Variants in PEX1 observed in about 807,000 individuals in gnomAD.
The protein encoded by PEX1 is peroxisomal biogenesis factor 1, also known as peroxisomal ATPase PEX1.
A neutral mutation model predicts 152.5 loss-of-function variants in PEX1; 97 were observed. That is an observed-to-expected ratio of 0.64 (90% CI 0.54 to 0.75). The LOEUF (loss-of-function observed/expected upper bound fraction) is 0.75, where lower values mean the gene tolerates loss of function less well. Ranked by LOEUF, PEX1 falls within the 30% of genes least tolerant of loss-of-function variation. The probability of loss-of-function intolerance (pLI) is 0.00; values close to 1 mark genes in which losing one functional copy is unlikely to be tolerated. For synonymous variants in PEX1, 485 were observed against 531.6 expected, an observed-to-expected ratio of 0.91 and a Z score of 1.21; for missense variants, 1,357 against 1,516.3, an observed-to-expected ratio of 0.89 and a Z score of 1.74.
At position 92,489,814 on chromosome 7, in the gene PEX1, G is replaced by A. The variant is rs1442239373; in HGVS notation, c.3536C>T (p.Thr1179Ile). 4 of 1,613,678 alleles carry A rather than the reference G, an allele frequency of 2.5e-6. No individual in the cohort carries two copies. The African/African-American group carries it at 4.0e-5, about 16-fold the overall frequency. ...QLFSQPPVLR[T>I]ASQEGCQELT... Reference sequence around the variant, plus strand: ...TTCTTGGCAACCCTCTTGTGAAGCTGTCCTTAACACTGGAGGCTGTGAAAA... The same window carrying A: ...TTCTTGGCAACCCTCTTGTGAAGCTATCCTTAACACTGGAGGCTGTGAAAA... Residue 1179 changes from threonine (T) to isoleucine (I), a missense_variant, in exon 22 of 24, where the codon ACA becomes ATA. Coordinates refer to ENST00000248633, the MANE Select transcript of PEX1 (RefSeq NM_000466.3).
At chr7:92,519,663 G>T (rs1792967488) in intron 2 of PEX1, among the ~76,000 whole-genome samples, 1 of 152,094 alleles carries the variant, frequency 6.6e-6, no homozygotes, top group Admixed American at 6.6e-5. Context: ...CAGACATGCT[G>T]CTTCAAGAAA....
intron 8 of PEX1, among the ~76,000 whole-genome samples, chr7:92,510,246 G>T (rs953477195): frequency 2.6e-5 from 4 of 151,822 alleles, no homozygotes; most frequent in Non-Finnish European, 4.4e-5. Flanking sequence ...CAGAACAACT[G>T]CTTGAACCCA....
At chr7:92,496,838 C>G (rs1351279528) in intron 16 of PEX1, 61 bp from the exon 17 acceptor site, 17 of 1,030,792 alleles carry the variant, frequency 1.6e-5, no homozygotes. Flanking sequence ...AATTTGGTTT[C>G]TGACTAAGTC....
chr7:92,511,468 A>G, intron 7 of PEX1, 112 bp downstream of exon 7: 3 of 858,104 alleles, frequency 3.5e-6, no homozygotes, highest in South Asian at 1.6e-5. Flanking sequence ...TAATTATCAT[A>G]ATTATATTTC....
At chr7:92,499,906 A>G (rs1791845882) in intron 15 of PEX1, 68 bp from the exon 16 acceptor site, 3 of 1,309,494 alleles carry the variant, frequency 2.3e-6, no homozygotes, top group African/African-American at 2.9e-5. Flanking sequence ...AGTAGCAGCT[A>G]AAGATCAATG....
chr7:92,504,515 G>C (rs753369010), intron 12 of PEX1, among the ~76,000 whole-genome samples: 1 of 151,962 alleles, frequency 6.6e-6, no homozygotes, highest in Non-Finnish European at 1.5e-5. Context: ...AACCCTAAAG[G>C]ACTAACCATG....
Position 92,522,117 on chromosome 7 carries a change from G to A in PEX1, c.258C>T (p.Leu86=), listed in dbSNP as rs1446392468. The part of the protein sequence containing the change: ...INRQVGQKLG[L]SNGGQVFLKP... ...ATGTGCTTACCTGTCCCCCATTTGA[G>A]AGTCCAAGTTTTTGACCAACTTGTC... is the stretch of plus-strand genomic sequence containing the variant. The change falls in exon 2 of 24, where the codon CTC becomes CTT. Residue 86 remains leucine (L), a synonymous_variant. Coordinates refer to ENST00000248633, the MANE Select transcript of PEX1 (RefSeq NM_000466.3). The A allele has an allele frequency of 1.9e-6, 3 of 1,613,952 alleles. No homozygotes were observed. In the African/African-American group the frequency reaches 4.0e-5, roughly 22 times the overall value.
intron 20 of PEX1, 64 bp from the exon 21 acceptor site, chr7:92,491,566 A>C: frequency 2.2e-6 from 2 of 927,108 alleles, no homozygotes; most frequent in Non-Finnish European, 3.6e-6. Context: ...GAAATAAATA[A>C]TAACATAGAT....
chr7:92,513,773 T>C, intron 6 of PEX1, 75 bp downstream of exon 6: 2 of 1,073,002 alleles, frequency 1.9e-6, no homozygotes, highest in Non-Finnish European at 1.4e-6. Flanking sequence ...ACATTCTTAT[T>C]ACTTAGCTAA....
intron 16 of PEX1, among the ~76,000 whole-genome samples, chr7:92,498,288 G>A (rs1181353650): frequency 1.3e-5 from 2 of 151,890 alleles, no homozygotes; most frequent in African/African-American, 2.4e-5. Context: ...CAGATCACTC[G>A]AGGTCAGGAG....
At chr7:92,504,192 G>C (rs557116325) in intron 12 of PEX1, among the ~76,000 whole-genome samples, 1 of 151,696 alleles carries the variant, frequency 6.6e-6, no homozygotes, top group Non-Finnish European at 1.5e-5. Flanking sequence ...TATACTTCTC[G>C]CATAGTGTAT....
At chr7:92,491,041 G>T (rs1324181556) in intron 21 of PEX1, among the ~76,000 whole-genome samples, 1 of 152,142 alleles carries the variant, frequency 6.6e-6, no homozygotes, top group African/African-American at 2.4e-5. Context: ...AGAAACCAAA[G>T]GTAATCACAA....
At chr7:92,501,109 C>T (rs1010498553) in intron 15 of PEX1, among the ~76,000 whole-genome samples, 1 of 152,206 alleles carries the variant, frequency 6.6e-6, no homozygotes, top group Non-Finnish European at 1.5e-5. Context: ...AAGACTGCAT[C>T]ATACACATTA....
At chr7:92,518,063 A>G (rs1792882653) in intron 4 of PEX1, 21 bp from the exon 5 acceptor site, 1 of 1,613,822 alleles carries the variant, frequency 6.2e-7, no homozygotes, top group African/African-American at 1.3e-5. Context: ...AATAAAGCTC[A>G]TTAGTGCACA....
chr7:92,502,159 G>A, intron 13 of PEX1, 80 bp from the exon 14 acceptor site: 1 of 1,046,154 alleles, frequency 9.6e-7, no homozygotes, highest in Non-Finnish European at 1.4e-6. Flanking sequence ...AGAAAATCAG[G>A]TTGACAAATC....
intron 8 of PEX1, among the ~76,000 whole-genome samples, chr7:92,509,961 T>C (rs1435227525): frequency 1.3e-5 from 2 of 151,930 alleles, no homozygotes; most frequent in African/African-American, 2.4e-5. Context: ...CTGGCCAACA[T>C]GGTGAAATCT....
intron 6 of PEX1, among the ~76,000 whole-genome samples, 164 bp from the exon 7 acceptor site, chr7:92,511,867 G>C (rs1356560585): frequency 6.6e-6 from 1 of 152,220 alleles, no homozygotes. Flanking sequence ...TGACATTACA[G>C]TTAGCACAAT....
In PEX1 at chr7:92,522,397, A is replaced by G. The variant is rs1793090712; in HGVS notation, c.130-152T>C. On this transcript the variant is annotated intron_variant, in intron 1 of 23. Transcript: ENST00000248633. ...CATTTGTTGTAGCATTTAAAAATCT[A>G]TAATCATTTCCAACACCCAATGCTG... The G allele has an allele frequency of 1.3e-5, 10 of 778,342 alleles. No homozygotes were observed. The South Asian group carries it at 1.6e-4, about 12-fold the overall frequency. The allele number at this position is 778,342 out of a possible 1,614,324, so 48.2% of individuals were successfully genotyped here.
chr7:92,519,203 G>T (rs1792945720), intron 2 of PEX1, 125 bp from the exon 3 acceptor site: 3 of 659,968 alleles, frequency 4.5e-6, no homozygotes, highest in Admixed American at 2.3e-5. Flanking sequence ...TTGGATGGGG[G>T]TGTATATGTA....
Sources: allele counts gnomAD v4.1 joint callset (sites outside exome capture counted in the v4.1 genomes callset), GRCh38; gene constraint gnomAD v4.1.1; transcripts MANE v1.5; gene names NCBI Gene and HGNC (gene_info 2026-07-23, HGNC 2026-07-21).